FOXP1: variants seen among roughly 807,000 people sequenced by gnomAD.
FOXP1 encodes forkhead box P1.
A neutral mutation model predicts 98.2 loss-of-function variants in FOXP1; 15 were observed. That is an observed-to-expected ratio of 0.15 (90% CI 0.10 to 0.24). The LOEUF (loss-of-function observed/expected upper bound fraction) is 0.24. Ranked by LOEUF, FOXP1 falls within the 10% of genes least tolerant of loss-of-function variation. The probability of loss-of-function intolerance (pLI) is 1.00; values close to 1 mark genes in which losing one functional copy is unlikely to be tolerated. For synonymous variants in FOXP1, 371 were observed against 314.5 expected (o/e 1.18, Z -1.90); for missense variants, 633 against 848.5 (o/e 0.75, Z 3.15).
At chr3:71,112,898 C>T (rs1016353201) in intron 6 of FOXP1, among the ~76,000 whole-genome samples, 1 of 152,074 alleles carries the variant, frequency 6.6e-6, no homozygotes, top group African/African-American at 2.4e-5. Flanking sequence ...AAAGATCTGA[C>T]ATGAAATTTA....
chr3:71,077,379 A>G (rs894013459), intron 7 of FOXP1, among the ~76,000 whole-genome samples: 2 of 152,170 alleles, frequency 1.3e-5, no homozygotes. Flanking sequence ...CTTGTTCCTT[A>G]TGACCTAAGT....
At chr3:71,574,252 A>G (rs1458398628) in intron 2 of FOXP1, 1 of 152,230 alleles carries the variant, frequency 6.6e-6, no homozygotes, top group Non-Finnish European at 1.5e-5. Context: ...CAGCTATTAA[A>G]ATAAAGCCAC....
chr3:71,141,256 G>A, intron 6 of FOXP1, among the ~76,000 whole-genome samples: 1 of 119,558 alleles, frequency 8.4e-6, no homozygotes, highest in African/African-American at 3.5e-5. Context: ...GACAGAGCAA[G>A]ACTCTGTCTC....
chr3:71,429,038 T>C (rs1047699880), intron 3 of FOXP1, among the ~76,000 whole-genome samples: 8 of 152,210 alleles, frequency 5.3e-5, no homozygotes, highest in African/African-American at 1.4e-4. Context: ...TTTTTTGCTA[T>C]TTCCGTTATT....
chr3:71,569,774 G>A (rs1020713565), intron 2 of FOXP1, among the ~76,000 whole-genome samples: 3 of 151,656 alleles, frequency 2.0e-5, no homozygotes, highest in African/African-American at 7.3e-5. Context: ...GTGAAAATCA[G>A]TCTCCACTTT....
chr3:71,152,332 C>T (rs1443730438), intron 6 of FOXP1, among the ~76,000 whole-genome samples: 3 of 152,206 alleles, frequency 2.0e-5, no homozygotes, highest in Non-Finnish European at 2.9e-5. Flanking sequence ...CCCCTGAGTA[C>T]AGATTTGTGA....
chr3:71,454,617 A>G (rs2087275512), intron 3 of FOXP1, among the ~76,000 whole-genome samples: 1 of 152,140 alleles, frequency 6.6e-6, no homozygotes, highest in African/African-American at 2.4e-5. Context: ...GCATTTTGAC[A>G]AGATCTGCAG....
At chr3:71,112,273 A>G (rs1417803399) in intron 7 of FOXP1, among the ~76,000 whole-genome samples, 2 of 152,194 alleles carry the variant, frequency 1.3e-5, no homozygotes, top group Non-Finnish European at 2.9e-5. Context: ...GGTAACCTAC[A>G]CTGCCTATTA....
At chr3:71,038,439 A>G (rs564232570) in intron 11 of FOXP1, among the ~76,000 whole-genome samples, 96 of 152,310 alleles carry the variant, frequency 6.3e-4, no homozygotes, top group Non-Finnish European at 1.2e-3. Context: ...TCACAAATGC[A>G]TTGATGAGTA....
chr3:71,261,741 G>A (rs2069156765), intron 5 of FOXP1, among the ~76,000 whole-genome samples: 1 of 152,106 alleles, frequency 6.6e-6, no homozygotes. Context: ...ACACACTGAT[G>A]TTACTCTCGA....
chr3:71,488,811 T>C (rs1008605721), intron 3 of FOXP1, among the ~76,000 whole-genome samples: 1 of 152,252 alleles, frequency 6.6e-6, no homozygotes, highest in African/African-American at 2.4e-5. Context: ...CCTCTCTTTA[T>C]GGTGTGAGTG....
At chr3:71,029,350 T>C (rs576388133) in intron 11 of FOXP1, among the ~76,000 whole-genome samples, 2 of 152,232 alleles carry the variant, frequency 1.3e-5, no homozygotes, top group East Asian at 3.9e-4. Context: ...GAGGCAGATG[T>C]AGGGGGAACA....
chr3:71,273,614 AC>A (rs1476611994), intron 5 of FOXP1, among the ~76,000 whole-genome samples: 5 of 152,312 alleles, frequency 3.3e-5, no homozygotes, highest in South Asian at 4.1e-4. Flanking sequence ...GTTTCTGATG[AC>A]AAAGTCTGTC....
At chr3:71,327,605 T>C (rs1245486877) in intron 4 of FOXP1, among the ~76,000 whole-genome samples, 2 of 151,694 alleles carry the variant, frequency 1.3e-5, no homozygotes, top group African/African-American at 2.4e-5. Context: ...GCCAGGATGG[T>C]CTTGATCTCC....
chr3:71,523,093 G>A (rs2043112089), intron 2 of FOXP1, among the ~76,000 whole-genome samples: 1 of 152,170 alleles, frequency 6.6e-6, no homozygotes, highest in African/African-American at 2.4e-5. Flanking sequence ...GTAAAAAGGG[G>A]AAATTGGGAC....
chr3:71,583,426 G>GTT lies in FOXP1; in HGVS notation c.-447+143_-447+144dup, dbSNP rs61675522. On this transcript the variant is annotated intron_variant, in intron 1 of 20. Transcript: ENST00000649528. ...TGGAGCCTGGAGGTGGAAAGTAGTT[G>GTT]TTTTTTTTTTTCCATTTTTTTTCTC... 1.6e-3 allele frequency: 1,180 copies of GTT among 725,242 alleles called. 1 individual carries two copies. Among genetic ancestry groups the GTT allele is most frequent in the Non-Finnish European group, 1.9e-3 (1,131 of 600,468 alleles). 44.9% of individuals were successfully genotyped at this position (725,242 alleles called of 1,614,324 possible). A position where few individuals can be genotyped will look rare whatever the true frequency, so the allele number is the denominator to read the frequency against.
intron 11 of FOXP1, among the ~76,000 whole-genome samples, chr3:71,036,282 T>C (rs906538450): frequency 1.3e-5 from 2 of 152,180 alleles, no homozygotes; most frequent in Non-Finnish European, 2.9e-5. Context: ...GCAAGGACTA[T>C]CGTGACTGAA....
intron 11 of FOXP1, among the ~76,000 whole-genome samples, chr3:71,031,017 C>T (rs1464337303): frequency 3.3e-5 from 5 of 152,176 alleles, no homozygotes; most frequent in African/African-American, 7.2e-5. Context: ...GTCATGATTT[C>T]GGTGGAGTGT....
intron 3 of FOXP1, among the ~76,000 whole-genome samples, chr3:71,478,750 G>A (rs1577732573): frequency 6.6e-6 from 1 of 152,238 alleles, no homozygotes; most frequent in Non-Finnish European, 1.5e-5. Flanking sequence ...GGGATGAGTT[G>A]TGGCAGCACC....
Sources: gnomAD v4.1 joint callset for allele counts (sites outside exome capture counted in the v4.1 genomes callset) on GRCh38, gnomAD v4.1.1 for gene constraint, MANE v1.5 for transcripts, NCBI Gene and HGNC (gene_info 2026-07-23, HGNC 2026-07-21) for gene names.